Variants in ZNF317 observed in about 807,000 individuals in gnomAD.
ZNF317 encodes the protein KRAB-containing zinc finger protein 317.
Under a neutral mutation model 23.4 loss-of-function variants are expected in ZNF317, and 17 were observed. That is an observed-to-expected ratio of 0.73 (90% confidence interval 0.50 to 1.09). The LOEUF (loss-of-function observed/expected upper bound fraction) is 1.09, where lower values mean the gene tolerates loss of function less well. Ranked by LOEUF, ZNF317 falls within the 50% of genes least tolerant of loss-of-function variation. The pLI, the probability that ZNF317 is intolerant of heterozygous loss-of-function variation, is 0.00. For synonymous variants in ZNF317, 317 were observed against 314.9 expected, an observed-to-expected ratio of 1.01 and a Z score of -0.07; for missense variants, 679 against 796.7, an observed-to-expected ratio of 0.85 and a Z score of 1.78.
rs1284132286 is a variant in ZNF317 at position 9,160,343 on chromosome 19, C to G, written c.698C>G (p.Thr233Arg). ...CATCAGTGCCAAAAAGCCTTCACCA[C>G]GAGCGCGTCCCTCACACGGCACAGG... ...ECHQCQKAFTTSASLTRHRRI... is the reference protein window; with the variant it reads ...ECHQCQKAFTRSASLTRHRRI... The change falls in exon 7 of 7, where the codon ACG (threonine) becomes AGG (arginine). Residue 233 changes from threonine (T) to arginine (R), a missense_variant. Transcript: ENST00000247956. The surrounding 1 kb of genome is among the most constrained non-coding windows in gnomAD (Gnocchi z 6.8). 3.1e-6 allele frequency: 5 copies of G among 1,614,082 alleles called. No individual in the cohort carries two copies. Among genetic ancestry groups the G allele is most frequent in the African/African-American group, 1.3e-5 (1 of 74,918 alleles).
intron 6 of ZNF317, among the ~76,000 whole-genome samples, chr19:9,159,836 C>T (rs1265476874): frequency 1.3e-5 from 2 of 152,234 alleles, no homozygotes; most frequent in South Asian, 2.1e-4. Context: ...CGTGAGCCAC[C>T]TTGCCCAGCC....
Position 9,160,084 on chromosome 19 carries a change from C to T in ZNF317, c.469-30C>T. 24 of 1,611,614 alleles carry T rather than the reference C, an allele frequency of 1.5e-5. No homozygotes were observed. Among genetic ancestry groups the T allele is most frequent in the Non-Finnish European group, 2.0e-5 (24 of 1,178,116 alleles). ...GGGTTGCAATGAATATGAGAATTGC[C>T]TTTGTCAGCACTTACGTCTTAACCA... On this transcript the variant is annotated intron_variant, in intron 6 of 6. Transcript: ENST00000247956. This position sits in a 1 kb window ranked among gnomAD's most constrained non-coding sequence, Gnocchi z 6.8.
intron 1 of ZNF317, among the ~76,000 whole-genome samples, chr19:9,151,788 C>G (rs1050944698): frequency 2.0e-5 from 3 of 152,068 alleles, no homozygotes; most frequent in African/African-American, 7.2e-5. Context: ...ATCCCTATCA[C>G]ATACATGATT....
At chr19:9,140,971 T>G (rs2050623964) in intron 1 of ZNF317, among the ~76,000 whole-genome samples, 1 of 152,192 alleles carries the variant, frequency 6.6e-6, no homozygotes. Context: ...TTTTATCTCG[T>G]GAATGTCAGC....
intron 1 of ZNF317, among the ~76,000 whole-genome samples, chr19:9,150,343 A>C (rs560512924): frequency 6.6e-6 from 1 of 152,358 alleles, no homozygotes; most frequent in South Asian, 2.1e-4. Context: ...ATAGAGTTCC[A>C]TACATAACCC....
rs936501654 is a variant in ZNF317 at position 9,155,956 on chromosome 19, A to G, written c.-61A>G. On this transcript the variant is annotated 5_prime_UTR_variant, in exon 2 of 7. Transcript: ENST00000247956. Reference sequence around the variant, plus strand: ...GCTTGGAGAGTCACGTGAGAGCAAGAGAGTAGCTTTCTGGTTGTCCTGGTG... The same window carrying G: ...GCTTGGAGAGTCACGTGAGAGCAAGGGAGTAGCTTTCTGGTTGTCCTGGTG... 9.3e-6 allele frequency: 15 copies of G among 1,609,392 alleles called. No individual in the cohort carries two copies. The highest frequency in any genetic ancestry group is 1.7e-5 in the Admixed American group (1 of 59,988).
At chr19:9,158,165 A>C in intron 5 of ZNF317, 90 bp downstream of exon 5, 1 of 1,412,206 alleles carries the variant, frequency 7.1e-7, no homozygotes, top group Non-Finnish European at 9.3e-7. Flanking sequence ...AGTGTCACCC[A>C]GGGAAATTGA....
chr19:9,162,179 T>G lies in ZNF317; in HGVS notation c.*746T>G, dbSNP rs1194090149. On this transcript the variant is annotated 3_prime_UTR_variant, in exon 7 of 7. Coordinates refer to ENST00000247956, the MANE Select transcript of ZNF317 (RefSeq NM_020933.5). ...CAATGTCTAGAGACATTTTTGGTAG[T>G]TAGAATGGGGGGAAGATACTCCTGA... 2 of 151,990 alleles carry G rather than the reference T, an allele frequency of 1.3e-5. No individual in the cohort carries two copies. The highest frequency in any genetic ancestry group is 6.6e-5 in the Admixed American group (1 of 15,258). The allele number at this position is 151,990 out of a possible 1,614,324, so 9.4% of individuals were successfully genotyped here. A position where few individuals can be genotyped will look rare whatever the true frequency, so the allele number is the denominator to read the frequency against.
Position 9,140,601 on chromosome 19 carries a change from T to C in ZNF317, c.-93+9T>C, listed in dbSNP as rs1022925642. 10 of 456,400 alleles carry C rather than the reference T, an allele frequency of 2.2e-5. No homozygotes were observed. Among genetic ancestry groups the C allele is most frequent in the Non-Finnish European group, 3.1e-5 (7 of 226,842 alleles). 28.3% of individuals were successfully genotyped at this position (456,400 alleles called of 1,614,324 possible). ...ATCCTATTCCCAGTCGTGTAAGCCC[T>C]GCTTTCCTTAACCCTTCTCCCCCTC... On this transcript the variant is annotated intron_variant, in intron 1 of 6. Coordinates refer to ENST00000247956, the MANE Select transcript of ZNF317 (RefSeq NM_020933.5).
Position 9,160,381 on chromosome 19 carries a change from G to C in ZNF317, c.736G>C (p.Gly246Arg). 2 of 1,614,222 alleles carry C rather than the reference G, an allele frequency of 1.2e-6. No homozygotes were observed. Among genetic ancestry groups the C allele is most frequent in the Non-Finnish European group, 1.7e-6 (2 of 1,180,050 alleles). ...SLTRHRRIHT[G>R]EKPYECSDCG... ...CACACGGCACAGGAGAATCCACACC[G>C]GGGAGAAGCCTTACGAGTGCAGCGA... Residue 246 changes from glycine to arginine, a missense_variant, in exon 7 of 7, where the codon GGG becomes CGG. Physicochemically the swap from Gly to Arg is moderately radical, Grantham distance 125. Transcript: ENST00000247956. This position sits in a 1 kb window ranked among gnomAD's most constrained non-coding sequence, Gnocchi z 6.8.
At chr19:9,158,328 T>C (rs933784152) in intron 5 of ZNF317, among the ~76,000 whole-genome samples, 1 of 150,728 alleles carries the variant, frequency 6.6e-6, no homozygotes, top group African/African-American at 2.4e-5. Flanking sequence ...TCTGTCATTA[T>C]CAACATCATC....
intron 1 of ZNF317, among the ~76,000 whole-genome samples, chr19:9,154,541 G>T (rs540285776): frequency 6.6e-6 from 1 of 152,192 alleles, no homozygotes; most frequent in East Asian, 1.9e-4. Flanking sequence ...TCTCCATGTA[G>T]TGTGTCTGCA....
Position 9,161,102 on chromosome 19 carries a change from A to G in ZNF317, c.1457A>G (p.Tyr486Cys), listed in dbSNP as rs773588755. The G allele has an allele frequency of 3.1e-6, 5 of 1,614,062 alleles. No individual in the cohort carries two copies. Reference sequence around the variant, plus strand: ...GCCTGCGGGAAAGTCTTCGGTGACTATTTATCCCGGCGGAGGCACATGAGC... The same window carrying G: ...GCCTGCGGGAAAGTCTTCGGTGACTGTTTATCCCGGCGGAGGCACATGAGC... ...CAACGKVFGD[Y>C]LSRRRHMSVH... Residue 486 changes from tyrosine (Y) to cysteine (C), a missense_variant, in exon 7 of 7, where the codon TAT becomes TGT. By Grantham distance (194) the Tyr-to-Cys change is radical. Transcript: ENST00000247956. The surrounding 1 kb of genome is among the most constrained non-coding windows in gnomAD (Gnocchi z 4.0).
In ZNF317 at chr19:9,141,039, C is replaced by T. The variant is rs1158731230; in HGVS notation, c.-93+447C>T. 3.3e-5 allele frequency among the ~76,000 whole-genome samples: 5 copies of T among 151,996 alleles called. No homozygotes were observed. In the East Asian group the frequency reaches 9.6e-4, roughly 29 times the overall value. The stretch of plus-strand genomic sequence containing the variant: ...TACCTTTTATATTTTTAATTTAAGA[C>T]CTTCTGGTTGCACTTTTTTATTTAT... On this transcript the variant is annotated intron_variant, in intron 1 of 6. Transcript: ENST00000247956.
At chr19:9,149,946 T>C (rs2050721693) in intron 1 of ZNF317, among the ~76,000 whole-genome samples, 1 of 152,146 alleles carries the variant, frequency 6.6e-6, no homozygotes, top group Non-Finnish European at 1.5e-5. Context: ...CAGATTTTTG[T>C]ATTAAGTTTT....
At chr19:9,145,562 C>CT (rs1387617837) in intron 1 of ZNF317, among the ~76,000 whole-genome samples, 1 of 152,194 alleles carries the variant, frequency 6.6e-6, no homozygotes, top group Non-Finnish European at 1.5e-5. Context: ...TTCAGATATT[C>CT]TTTTTACCGT....
intron 3 of ZNF317, 73 bp from the exon 4 acceptor site, chr19:9,157,195 C>G (rs950043160): frequency 1.3e-6 from 2 of 1,575,648 alleles, no homozygotes; most frequent in African/African-American, 2.7e-5. Context: ...GCCCGGTCTT[C>G]AACCTCAGCC....
intron 4 of ZNF317, 72 bp from the exon 5 acceptor site, chr19:9,157,908 G>A: frequency 6.7e-7 from 1 of 1,501,656 alleles, no homozygotes. Context: ...CCCAAGTGTT[G>A]AGCCCAGGCT....
intron 1 of ZNF317, among the ~76,000 whole-genome samples, chr19:9,155,606 C>T (rs149138354): frequency 0.011 from 1,724 of 152,264 alleles, 35 homozygotes; most frequent in African/African-American, 0.038. Flanking sequence ...TAAATGATCG[C>T]AGGCCTCGAA....
Sources: allele counts gnomAD v4.1 joint callset (sites outside exome capture counted in the v4.1 genomes callset), GRCh38; gene constraint gnomAD v4.1.1; non-coding constraint Gnocchi (gnomAD v3.1); transcripts MANE v1.5; gene names NCBI Gene and HGNC (gene_info 2026-07-23, HGNC 2026-07-21).